EFCAB5: variants seen among roughly 807,000 people sequenced by gnomAD.
EFCAB5 encodes EF-hand calcium binding domain 5, also known as EF-hand calcium-binding domain-containing protein 5.
A neutral mutation model predicts 167.9 loss-of-function variants in EFCAB5; 131 were observed. That is an observed-to-expected ratio of 0.78 (90% confidence interval 0.68 to 0.90). EFCAB5 has a LOEUF of 0.90. Ranked by LOEUF, EFCAB5 falls within the 40% of genes least tolerant of loss-of-function variation. EFCAB5 has a pLI of 0.00. For synonymous variants in EFCAB5, 574 were observed against 602.8 expected (o/e 0.95, Z 0.70); for missense variants, 1,663 against 1,745.2 (o/e 0.95, Z 0.84).
chr17:29,982,196 G>A (rs2068190299), intron 4 of EFCAB5, among the ~76,000 whole-genome samples: 2 of 152,322 alleles, frequency 1.3e-5, no homozygotes, highest in East Asian at 3.9e-4. Flanking sequence ...CACTCTGGGA[G>A]GCCGAGGCGG....
At chr17:29,946,885 C>T (rs1224760033) in intron 3 of EFCAB5, among the ~76,000 whole-genome samples, 2 of 152,106 alleles carry the variant, frequency 1.3e-5, no homozygotes, top group African/African-American at 4.8e-5. Flanking sequence ...TTCACACTTG[C>T]AAAGATATGG....
intron 7 of EFCAB5, among the ~76,000 whole-genome samples, chr17:30,003,370 G>C (rs1322594808): frequency 6.6e-6 from 1 of 151,894 alleles, no homozygotes; most frequent in Non-Finnish European, 1.5e-5. Flanking sequence ...CAAGTAGCTG[G>C]GACCACAGTC....
chr17:29,987,608 G>C (rs1378854094), intron 4 of EFCAB5, among the ~76,000 whole-genome samples: 1 of 152,182 alleles, frequency 6.6e-6, no homozygotes, highest in African/African-American at 2.4e-5. Flanking sequence ...CATATGTGGT[G>C]TCCCATAATC....
chr17:30,094,777 G>A (rs895862285), intron 22 of EFCAB5, among the ~76,000 whole-genome samples: 6 of 152,316 alleles, frequency 3.9e-5, no homozygotes, highest in African/African-American at 1.2e-4. Context: ...CATCTGTGAA[G>A]TAACATTGGG....
intron 4 of EFCAB5, among the ~76,000 whole-genome samples, chr17:29,973,530 A>G: frequency 7.6e-6 from 1 of 131,446 alleles, no homozygotes; most frequent in Admixed American, 8.3e-5. Flanking sequence ...CCCAGGCCGG[A>G]GTGCAGTGGC....
intron 14 of EFCAB5, chr17:30,073,559 A>G (rs1349202581): frequency 1.5e-5 from 9 of 606,878 alleles, no homozygotes; most frequent in Non-Finnish European, 2.4e-5. Context: ...ATAGAAATCA[A>G]TACATTTCTC....
chr17:29,944,622 G>GT (rs1442294530), intron 3 of EFCAB5, among the ~76,000 whole-genome samples: 5,596 of 133,950 alleles, frequency 0.042, 425 homozygotes, highest in African/African-American at 0.13. Flanking sequence ...TTTCTGTTTT[G>GT]TTTTGTTTTT....
intron 8 of EFCAB5, among the ~76,000 whole-genome samples, chr17:30,049,595 C>T (rs992863414): frequency 1.3e-5 from 2 of 151,352 alleles, no homozygotes; most frequent in African/African-American, 2.4e-5. Context: ...AGGAAAAACC[C>T]ATACATATAA....
chr17:30,100,896 G>A (rs993030200), intron 22 of EFCAB5, among the ~76,000 whole-genome samples: 6 of 152,314 alleles, frequency 3.9e-5, no homozygotes, highest in Middle Eastern at 3.4e-3. Context: ...AGTATTCCAG[G>A]CAGAGAAAAC....
intron 14 of EFCAB5, among the ~76,000 whole-genome samples, chr17:30,067,001 G>A (rs187631794): frequency 2.0e-5 from 3 of 152,202 alleles, no homozygotes; most frequent in Admixed American, 6.5e-5. Context: ...CAATTAACAC[G>A]ATTTAATCTG....
chr17:30,065,176 A>G lies in EFCAB5; in HGVS notation c.2737+5475A>G, dbSNP rs572670789. On this transcript the variant is annotated intron_variant, in intron 14 of 22. Transcript: ENST00000394835. The stretch of plus-strand genomic sequence containing the variant: ...CACAAAGGAGAAAGAAAAGAATCAA[A>G]TCTTATCACCAAAGAAAACCAACAC... Among the ~76,000 whole-genome samples, 8 of 152,326 alleles carry G rather than the reference A, an allele frequency of 5.3e-5. No individual in the cohort carries two copies. In the South Asian group the frequency reaches 1.7e-3, roughly 32 times the overall value.
intron 7 of EFCAB5, among the ~76,000 whole-genome samples, chr17:30,010,891 C>A (rs111538954): frequency 0.077 from 11,650 of 152,194 alleles, 918 homozygotes; most frequent in African/African-American, 0.21. Flanking sequence ...ATGCCTATGT[C>A]CTGAATGGTA....
At chr17:30,059,161 T>A (rs897922696) in intron 13 of EFCAB5, 2 of 152,850 alleles carry the variant, frequency 1.3e-5, no homozygotes, top group Non-Finnish European at 2.9e-5. Context: ...AATGTCTGTT[T>A]TGTTTTGTTT....
chr17:30,105,418 C>T (rs970523389), intron 22 of EFCAB5, among the ~76,000 whole-genome samples: 2 of 152,078 alleles, frequency 1.3e-5, no homozygotes, highest in Non-Finnish European at 2.9e-5. Context: ...ACCCAGGAGA[C>T]GGAGGTTGCA....
At chr17:30,071,936 C>G (rs2070746988) in intron 14 of EFCAB5, among the ~76,000 whole-genome samples, 1 of 152,002 alleles carries the variant, frequency 6.6e-6, no homozygotes, top group Non-Finnish European at 1.5e-5. Flanking sequence ...TATGTTGAAG[C>G]TAAAAAAGTT....
intron 14 of EFCAB5, chr17:30,069,603 CCTT>C: frequency 2.5e-6 from 4 of 1,613,068 alleles, no homozygotes; most frequent in Non-Finnish European, 3.4e-6. Flanking sequence ...TGCTCCTTCT[CCTT>C]GCTCTTCCTC....
At chr17:29,934,439 G>GTTA in intron 1 of EFCAB5, among the ~76,000 whole-genome samples, 1 of 152,172 alleles carries the variant, frequency 6.6e-6, no homozygotes, top group African/African-American at 2.4e-5. Context: ...GTTAGATTGT[G>GTTA]TTATTAGATC....
At chr17:30,047,607 C>G (rs1260537962) in intron 8 of EFCAB5, among the ~76,000 whole-genome samples, 1 of 152,134 alleles carries the variant, frequency 6.6e-6, no homozygotes, top group African/African-American at 2.4e-5. Context: ...TTGTCTAGGA[C>G]TCACACTGTG....
At chr17:30,087,505 T>A (rs2151843720) in intron 19 of EFCAB5, among the ~76,000 whole-genome samples, 1 of 152,266 alleles carries the variant, frequency 6.6e-6, no homozygotes, top group Middle Eastern at 3.4e-3. Flanking sequence ...TGTGTTCTCA[T>A]TGTTCAGCTC....
Sources: allele counts gnomAD v4.1 joint callset (sites outside exome capture counted in the v4.1 genomes callset), GRCh38; gene constraint gnomAD v4.1.1; transcripts MANE v1.5; gene names NCBI Gene and HGNC (gene_info 2026-07-23, HGNC 2026-07-21).